Variants in NTM observed in about 807,000 individuals in gnomAD.
NTM encodes the protein IgLON family member 2.
In NTM, 13 loss-of-function variants were observed where a neutral mutation model predicts 42.1. The ratio of observed to expected loss-of-function variants is 0.31; its 90% confidence interval spans 0.20 to 0.49. The LOEUF is 0.49. Ranked by LOEUF, NTM falls within the 20% of genes least tolerant of loss-of-function variation. NTM has a pLI of 0.99. For synonymous variants in NTM, 187 were observed against 179.2 expected (o/e 1.04, Z -0.35); for missense variants, 373 against 452.8 (o/e 0.82, Z 1.60).
chr11:132,171,247 C>T (rs940198148), intron 3 of NTM, among the ~76,000 whole-genome samples: 1 of 152,202 alleles, frequency 6.6e-6, no homozygotes, highest in South Asian at 2.1e-4. Context: ...CACCTCTGCA[C>T]GTCCTGCCGC....
At chr11:131,789,656 A>G (rs1460087256) in intron 1 of NTM, among the ~76,000 whole-genome samples, 21 of 138,874 alleles carry the variant, frequency 1.5e-4, no homozygotes, top group African/African-American at 5.8e-4. Context: ...AAGAAGAAGA[A>G]GAAGAAGAAG....
chr11:132,291,296 T>C (rs1306577810), intron 4 of NTM, among the ~76,000 whole-genome samples: 4 of 152,128 alleles, frequency 2.6e-5, no homozygotes, highest in African/African-American at 9.7e-5. Context: ...TGGTGATGGA[T>C]TTGATATTGG....
At chr11:132,038,476 C>G (rs1022221198) in intron 2 of NTM, among the ~76,000 whole-genome samples, 1 of 152,130 alleles carries the variant, frequency 6.6e-6, no homozygotes, top group African/African-American at 2.4e-5. Flanking sequence ...CTGGTTCCAC[C>G]TTGGGCAAGT....
intron 1 of NTM, among the ~76,000 whole-genome samples, chr11:131,510,814 CT>C (rs984856013): frequency 1.3e-5 from 2 of 152,134 alleles, no homozygotes; most frequent in African/African-American, 4.8e-5. Flanking sequence ...TGTGGGGGTG[CT>C]GGTGCAGAGC....
rs557522093 is a variant in NTM at position 131,763,709 on chromosome 11, C to CTTTTTTTTTT, written c.83-147838_83-147829dup. Among the ~76,000 whole-genome samples, 402 of 71,320 alleles carry CTTTTTTTTTT rather than the reference C, an allele frequency of 5.6e-3. 61 individuals are homozygous for CTTTTTTTTTT. Among genetic ancestry groups the CTTTTTTTTTT allele is most frequent in the East Asian group, 9.1e-3 (19 of 2,082 alleles). The allele number at this position is 71,320 out of a possible 152,430, so 46.8% of individuals were successfully genotyped here. The stretch of plus-strand genomic sequence containing the variant: ...CTTATCCACAGGCCCATCTCTCTCT[C>CTTTTTTTTTT]TTTTTTTTTTTTTTTTTTTTTTTTT... On this transcript the variant is annotated intron_variant, in intron 1 of 8. Coordinates refer to ENST00000683400, the MANE Select transcript of NTM (RefSeq NM_001352005.2).
chr11:131,808,289 A>C (rs2092597127), intron 1 of NTM, among the ~76,000 whole-genome samples: 1 of 152,234 alleles, frequency 6.6e-6, no homozygotes, highest in African/African-American at 2.4e-5. Flanking sequence ...ATAATCAGGA[A>C]TTGACAGTCC....
At chr11:132,334,285 A>G (rs750460306) in intron 8 of NTM, among the ~76,000 whole-genome samples, 6 of 152,190 alleles carry the variant, frequency 3.9e-5, no homozygotes, top group Non-Finnish European at 8.8e-5. Context: ...GTTTGTCTCC[A>G]TCTCCATACA....
intron 3 of NTM, among the ~76,000 whole-genome samples, chr11:132,160,021 T>A (rs1433700457): frequency 6.6e-6 from 1 of 152,158 alleles, no homozygotes; most frequent in East Asian, 1.9e-4. Flanking sequence ...GAAACAGACA[T>A]GAAAAAGAGC....
At chr11:132,161,871 C>G (rs1297051506) in intron 3 of NTM, among the ~76,000 whole-genome samples, 1 of 152,200 alleles carries the variant, frequency 6.6e-6, no homozygotes, top group Non-Finnish European at 1.5e-5. Flanking sequence ...ATAAGATAAT[C>G]AGATGCACCT....
chr11:132,303,728 AAAAC>A lies in NTM; in HGVS notation c.527-3958_527-3955del, dbSNP rs200222814. On this transcript the variant is annotated intron_variant, in intron 4 of 8. Transcript: ENST00000683400. ...TCTAGGTGACAAAAAAAAAAAAAAA[AAAAC>A]AATCTGTGAAGAACAAATCATCATG... Among the ~76,000 whole-genome samples, 425 of 149,180 alleles carry A rather than the reference AAAAC, an allele frequency of 2.8e-3. 3 individuals are homozygous for A. The highest frequency in any genetic ancestry group is 8.6e-3 in the East Asian group (44 of 5,126).
chr11:131,649,934 G>T (rs2066261106), intron 1 of NTM, among the ~76,000 whole-genome samples: 1 of 152,164 alleles, frequency 6.6e-6, no homozygotes, highest in Non-Finnish European at 1.5e-5. Flanking sequence ...TAGGTCAACA[G>T]TGGTGCCAGG....
chr11:132,061,928 G>A (rs998858048), intron 2 of NTM, among the ~76,000 whole-genome samples: 1 of 152,170 alleles, frequency 6.6e-6, no homozygotes, highest in African/African-American at 2.4e-5. Flanking sequence ...CAAGTGATGT[G>A]AGTGCGTGTG....
intron 1 of NTM, among the ~76,000 whole-genome samples, chr11:131,544,256 T>C (rs1055679623): frequency 1.3e-5 from 2 of 152,160 alleles, no homozygotes; most frequent in East Asian, 3.8e-4. Flanking sequence ...TTCAAAGTAA[T>C]ACAATTTGCT....
chr11:131,797,248 C>G (rs2091664980), intron 1 of NTM, among the ~76,000 whole-genome samples: 1 of 152,070 alleles, frequency 6.6e-6, no homozygotes, highest in African/African-American at 2.4e-5. Flanking sequence ...ATCAATAAAA[C>G]AGTGAAAGGC....
At chr11:131,819,861 G>C (rs986814999) in intron 1 of NTM, among the ~76,000 whole-genome samples, 1 of 152,096 alleles carries the variant, frequency 6.6e-6, no homozygotes, top group African/African-American at 2.4e-5. Flanking sequence ...CCTGTTAATG[G>C]GATTATGTGG....
chr11:132,134,468 C>T (rs1218482866), intron 2 of NTM, among the ~76,000 whole-genome samples: 3 of 151,468 alleles, frequency 2.0e-5, no homozygotes, highest in Non-Finnish European at 2.9e-5. Context: ...GTCTTTTATC[C>T]GTTGCCACCC....
At chr11:131,538,036 TG>T (rs1382206808) in intron 1 of NTM, 3 of 152,268 alleles carry the variant, frequency 2.0e-5, no homozygotes, top group Non-Finnish European at 4.4e-5. Flanking sequence ...CTGTGTACTT[TG>T]TCAGCAAAAT....
At chr11:132,093,146 G>A (rs34231201) in intron 2 of NTM, among the ~76,000 whole-genome samples, 46,417 of 152,008 alleles carry the variant, frequency 0.31, 7,334 homozygotes, top group African/African-American at 0.34. Context: ...ATCATCTGAT[G>A]TCTTACATGT....
intron 2 of NTM, among the ~76,000 whole-genome samples, chr11:131,928,914 T>G (rs920929982): frequency 6.6e-6 from 1 of 152,236 alleles, no homozygotes; most frequent in East Asian, 1.9e-4. Flanking sequence ...ACAGCATCAT[T>G]CTCACCCTTT....
Sources: allele counts gnomAD v4.1 joint callset (sites outside exome capture counted in the v4.1 genomes callset), GRCh38; gene constraint gnomAD v4.1.1; transcripts MANE v1.5; gene names NCBI Gene and HGNC (gene_info 2026-07-23, HGNC 2026-07-21).